Variants in ARHGEF11 observed in about 807,000 individuals in gnomAD.
ARHGEF11 encodes Rho guanine exchange factor (GEF) 11.
A neutral mutation model predicts 193.7 loss-of-function variants in ARHGEF11; 55 were observed. The ratio of observed to expected loss-of-function variants is 0.28; its 90% CI spans 0.23 to 0.36. The LOEUF (loss-of-function observed/expected upper bound fraction) is 0.36, where lower values mean the gene tolerates loss of function less well. ARHGEF11 is among the 10% of genes least tolerant of loss of function. The pLI is 1.00. For synonymous variants in ARHGEF11, 693 were observed against 768.0 expected, an observed-to-expected ratio of 0.90 and a Z score of 1.62; for missense variants, 1,723 against 2,005.6, an observed-to-expected ratio of 0.86 and a Z score of 2.69.
At chr1:157,030,198 A>G (rs547013057) in intron 1 of ARHGEF11, among the ~76,000 whole-genome samples, 16 of 152,282 alleles carry the variant, frequency 1.1e-4, no homozygotes, top group African/African-American at 3.9e-4. Context: ...TTTTCAATAA[A>G]ACTTTACCGA....
At position 156,941,447 on chromosome 1, in the gene ARHGEF11, C is replaced by G; in HGVS notation, c.3453-14G>C. The G allele has an allele frequency of 6.2e-7, 1 of 1,613,434 alleles. No individual in the cohort carries two copies. Among genetic ancestry groups the G allele is most frequent in the South Asian group, 1.1e-5 (1 of 91,020 alleles). On this transcript the variant is annotated splice_polypyrimidine_tract_variant and intron_variant, in intron 34 of 40. Transcript: ENST00000368194. ...TCCAGTTCTACCCTGAGGAAGGAAACCAACACAGGATGAGATCCCATGAGA... is the reference window on the plus strand; with the variant it reads ...TCCAGTTCTACCCTGAGGAAGGAAAGCAACACAGGATGAGATCCCATGAGA...
intron 1 of ARHGEF11, among the ~76,000 whole-genome samples, chr1:156,991,595 C>A (rs1320210390): frequency 6.6e-6 from 1 of 152,150 alleles, no homozygotes; most frequent in African/African-American, 2.4e-5. Context: ...ACTGGGATTA[C>A]AGGCGTGAGC....
chr1:156,976,844 G>T, intron 7 of ARHGEF11, 139 bp downstream of exon 7: 1 of 721,920 alleles, frequency 1.4e-6, no homozygotes, highest in Non-Finnish European at 2.3e-6. Flanking sequence ...ATTCTTTAGT[G>T]GTCCGGAAGT....
chr1:156,937,516 A>T lies in ARHGEF11; in HGVS notation c.4193-20T>A. The stretch of plus-strand genomic sequence containing the variant: ...AGTTCCCTGTCCCCACAGTAAGAGA[A>T]TGAGATCAGGAGGCAAACAGAGAAG... On this transcript the variant is annotated intron_variant, in intron 38 of 40. Transcript: ENST00000368194. 1 of 1,511,406 alleles carries T rather than the reference A, an allele frequency of 6.6e-7. No individual in the cohort carries two copies. Among genetic ancestry groups the T allele is most frequent in the Non-Finnish European group, 8.8e-7 (1 of 1,131,312 alleles). The allele number at this position is 1,511,406 out of a possible 1,614,324, so 93.6% of individuals were successfully genotyped here. A position where few individuals can be genotyped will look rare whatever the true frequency, so the allele number is the denominator to read the frequency against.
At chr1:157,032,846 T>C (rs1463046001) in intron 1 of ARHGEF11, among the ~76,000 whole-genome samples, 1 of 152,200 alleles carries the variant, frequency 6.6e-6, no homozygotes, top group Non-Finnish European at 1.5e-5. Flanking sequence ...TTAGGAGAAC[T>C]TGACATTGTT....
At chr1:156,957,935 A>G (rs1660208898) in intron 17 of ARHGEF11, 120 bp from the exon 18 acceptor site, 1 of 889,664 alleles carries the variant, frequency 1.1e-6, no homozygotes, top group Non-Finnish European at 1.9e-6. Context: ...GGGGAAAAGG[A>G]GAGAAGTACG....
Position 156,948,034 on chromosome 1 carries a change from G to A in ARHGEF11, c.2154-78C>T, listed in dbSNP as rs1266191303. Reference sequence around the variant, plus strand: ...GGGTTTGGCCCTCCCTCTCCTGCCCGACCTGCTTGCCCCATGCACATGGGA... The same window carrying A: ...GGGTTTGGCCCTCCCTCTCCTGCCCAACCTGCTTGCCCCATGCACATGGGA... On this transcript the variant is annotated intron_variant, in intron 24 of 40. Coordinates refer to ENST00000368194, the MANE Select transcript of ARHGEF11 (RefSeq NM_198236.3). This position sits in a 1 kb window ranked among gnomAD's most constrained non-coding sequence, Gnocchi z 4.2. 2.9e-5 allele frequency: 46 copies of A among 1,560,772 alleles called. No individual in the cohort carries two copies. In the South Asian group the frequency reaches 4.2e-4, roughly 14 times the overall value.
intron 28 of ARHGEF11, among the ~76,000 whole-genome samples, chr1:156,946,425 C>T (rs538725886): frequency 6.6e-6 from 1 of 152,334 alleles, no homozygotes; most frequent in South Asian, 2.1e-4. Context: ...TGAGATCCAT[C>T]TCAGGACACA....
chr1:156,936,069 A>C lies in ARHGEF11; in HGVS notation c.4631-11T>G. Reference sequence around the variant, plus strand: ...GGGGGGCGTCAGAGCCTGTGGGAGGAGGATGAAGGTGAGGAACTGGCCAGC... The same window carrying C: ...GGGGGGCGTCAGAGCCTGTGGGAGGCGGATGAAGGTGAGGAACTGGCCAGC... On this transcript the variant is annotated splice_polypyrimidine_tract_variant and intron_variant, in intron 40 of 40. Coordinates refer to ENST00000368194, the MANE Select transcript of ARHGEF11 (RefSeq NM_198236.3). The C allele has an allele frequency of 6.2e-7, 1 of 1,613,786 alleles. No homozygotes were observed. Among genetic ancestry groups the C allele is most frequent in the Non-Finnish European group, 8.5e-7 (1 of 1,179,848 alleles).
chr1:156,990,369 T>A (rs952131460), intron 1 of ARHGEF11, among the ~76,000 whole-genome samples: 1 of 152,222 alleles, frequency 6.6e-6, no homozygotes, highest in Non-Finnish European at 1.5e-5. Flanking sequence ...AAAGTGGTAT[T>A]CCTGAGATTT....
In ARHGEF11 at chr1:156,935,859, C is replaced by T. The variant is rs1057152000; in HGVS notation, c.*141G>A. 4 of 961,818 alleles carry T rather than the reference C, an allele frequency of 4.2e-6. No individual in the cohort carries two copies. In the African/African-American group the frequency reaches 5.0e-5, roughly 12 times the overall value. 59.6% of individuals were successfully genotyped at this position (961,818 alleles called of 1,614,324 possible). ...GACCAAGCAACATGCGGGTCTCCCC[C>T]CGGGCCTTGGCTGGATCCTAGTTTC... On this transcript the variant is annotated 3_prime_UTR_variant, in exon 41 of 41. Transcript: ENST00000368194.
intron 15 of ARHGEF11, among the ~76,000 whole-genome samples, chr1:156,959,963 A>G (rs1052117639): frequency 7.4e-6 from 1 of 134,992 alleles, no homozygotes; most frequent in Admixed American, 7.7e-5. Flanking sequence ...AATAAGAAAA[A>G]CCACTCTGGA....
At chr1:157,003,131 T>C (rs575777868) in intron 1 of ARHGEF11, among the ~76,000 whole-genome samples, 4 of 152,352 alleles carry the variant, frequency 2.6e-5, no homozygotes, top group African/African-American at 7.2e-5. Context: ...ACCTCATGAG[T>C]TGGCACTATT....
intron 1 of ARHGEF11, among the ~76,000 whole-genome samples, chr1:157,019,041 CAG>C (rs1669639798): frequency 6.6e-6 from 1 of 152,058 alleles, no homozygotes; most frequent in African/African-American, 2.4e-5. Flanking sequence ...TAGAAGAAAA[CAG>C]AGGAGGAAAA....
intron 1 of ARHGEF11, among the ~76,000 whole-genome samples, chr1:157,027,544 A>AG (rs1670800222): frequency 6.6e-6 from 1 of 152,246 alleles, no homozygotes; most frequent in African/African-American, 2.4e-5. Context: ...AGAGTTAATA[A>AG]GGTAAGACCT....
chr1:156,947,082 G>A (rs1003375625), intron 26 of ARHGEF11, 67 bp from the exon 27 acceptor site: 1 of 1,588,768 alleles, frequency 6.3e-7, no homozygotes, highest in Admixed American at 1.7e-5. Flanking sequence ...CTTTCTGACA[G>A]AGAGAAGTGA....
rs1177418202 is a variant in ARHGEF11 at position 156,940,210 on chromosome 1, C to T, written c.3730G>A (p.Asp1244Asn). The T allele has an allele frequency of 1.9e-6, 3 of 1,577,386 alleles. No homozygotes were observed. Among genetic ancestry groups the T allele is most frequent in the East Asian group, 4.5e-5 (2 of 44,336 alleles). Reference sequence around the variant, plus strand: ...GGCAGGGCCTTGAAGCACTCACCATCTTCCAGAGCGGAGTCAGCGAGCCCT... The same window carrying T: ...GGCAGGGCCTTGAAGCACTCACCATTTTCCAGAGCGGAGTCAGCGAGCCCT... ...MEGLADSALE[D>N]VENLRHLILW... The change falls in exon 36 of 41, where the codon GAT (aspartate) becomes AAT (asparagine). Residue 1244 changes from aspartate (D) to asparagine (N), a missense_variant. Coordinates refer to ENST00000368194, the MANE Select transcript of ARHGEF11 (RefSeq NM_198236.3).
In ARHGEF11 at chr1:156,935,167, G is replaced by A. The variant is rs1199847717; in HGVS notation, c.*833C>T. On this transcript the variant is annotated 3_prime_UTR_variant, in exon 41 of 41. Transcript: ENST00000368194. ...CCTCAGCTCCGTACCTGCTTCACTG[G>A]TTTTCTACAGGGACAGGGTGGGGAA... is the stretch of plus-strand genomic sequence containing the variant. The A allele has an allele frequency of 6.6e-6, 1 of 152,454 alleles. No individual in the cohort carries two copies. Among genetic ancestry groups the A allele is most frequent in the African/African-American group, 2.4e-5 (1 of 41,358 alleles). The allele number at this position is 152,454 out of a possible 1,614,324, so 9.4% of individuals were successfully genotyped here.
intron 1 of ARHGEF11, among the ~76,000 whole-genome samples, chr1:156,991,710 A>ATTTTTTTTTTTTTTTTT (rs57140356): frequency 4.8e-5 from 4 of 83,952 alleles, no homozygotes; most frequent in African/African-American, 1.3e-4. Context: ...TTTCAAGCTT[A>ATTTTTTTTTTTTTTTTT]TTTTTTTTTT....
Sources: allele counts gnomAD v4.1 joint callset (sites outside exome capture counted in the v4.1 genomes callset), GRCh38; gene constraint gnomAD v4.1.1; non-coding constraint Gnocchi (gnomAD v3.1); transcripts MANE v1.5; gene names NCBI Gene and HGNC (gene_info 2026-07-23, HGNC 2026-07-21).